The following MAP3K2 variants were observed in gnomAD, a reference collection of about 807,000 sequenced individuals.
MAP3K2 encodes MAP/ERK kinase kinase 2.
In MAP3K2, 24 loss-of-function variants were observed where a neutral mutation model predicts 80.3. The ratio of observed to expected loss-of-function variants is 0.30; its 90% CI spans 0.22 to 0.42. The LOEUF is 0.42. Among genes scored for constraint, MAP3K2 ranks in the 10% least tolerant of loss-of-function variants. The probability of loss-of-function intolerance (pLI) is 1.00; values close to 1 mark genes in which losing one functional copy is unlikely to be tolerated. For synonymous variants in MAP3K2, 244 were observed against 253.7 expected (o/e 0.96, Z 0.36); for missense variants, 608 against 750.1 (o/e 0.81, Z 2.21).
chr2:127,376,669 T>C (rs1186831266), intron 1 of MAP3K2, among the ~76,000 whole-genome samples: 1 of 152,154 alleles, frequency 6.6e-6, no homozygotes, highest in Non-Finnish European at 1.5e-5. Context: ...CCTCAATGAA[T>C]ACATGGTATG....
chr2:127,312,301 T>C (rs1558973063), intron 15 of MAP3K2, among the ~76,000 whole-genome samples: 1 of 152,216 alleles, frequency 6.6e-6, no homozygotes, highest in Non-Finnish European at 1.5e-5. Flanking sequence ...AACTAGTTCT[T>C]GAAATAATGA....
chr2:127,388,427 C>T, upstream of MAP3K2: 4 of 985,236 alleles, frequency 4.1e-6, no homozygotes, highest in Non-Finnish European at 4.8e-6. Flanking sequence ...TAATTTGTGG[C>T]TCAAGTTTCA....
intron 1 of MAP3K2, among the ~76,000 whole-genome samples, chr2:127,380,206 C>G (rs1687222079): frequency 6.6e-6 from 1 of 152,096 alleles, no homozygotes; most frequent in African/African-American, 2.4e-5. Flanking sequence ...TGCCTCTGTT[C>G]TTGATGAGCT....
intron 1 of MAP3K2, among the ~76,000 whole-genome samples, chr2:127,380,416 A>C (rs1023673567): frequency 6.6e-6 from 1 of 152,230 alleles, no homozygotes; most frequent in Non-Finnish European, 1.5e-5. Flanking sequence ...ACACTAAATG[A>C]CTAACCACAC....
At chr2:127,309,780 C>T (rs1334293285) in intron 15 of MAP3K2, among the ~76,000 whole-genome samples, 4 of 152,038 alleles carry the variant, frequency 2.6e-5, no homozygotes, top group African/African-American at 9.7e-5. Context: ...GGAGGAAGAC[C>T]GCAGCTAAAC....
chr2:127,355,673 G>A lies in MAP3K2; in HGVS notation c.-65-12479C>T, dbSNP rs142633788. ...GGTTGCTGAAGGTTGGGGTGACTAG[G>A]GCAATTTCTTAAAATAAGACAACAG... On this transcript the variant is annotated intron_variant, in intron 1 of 16. Coordinates refer to ENST00000682094, the MANE Select transcript of MAP3K2 (RefSeq NM_001371910.2). 9.6e-4 allele frequency among the ~76,000 whole-genome samples: 146 copies of A among 152,068 alleles called. 3 individuals are homozygous for A. Among genetic ancestry groups the A allele is most frequent in the African/African-American group, 3.3e-3 (138 of 41,420 alleles).
chr2:127,355,926 A>G (rs1196099372), intron 1 of MAP3K2, among the ~76,000 whole-genome samples: 1 of 152,170 alleles, frequency 6.6e-6, no homozygotes, highest in East Asian at 1.9e-4. Context: ...CATTTCAACA[A>G]TGTTCGCAGC....
chr2:127,349,967 C>G (rs1186240918), intron 1 of MAP3K2, among the ~76,000 whole-genome samples: 1 of 152,022 alleles, frequency 6.6e-6, no homozygotes, highest in South Asian at 2.1e-4. Flanking sequence ...CTCAATCTCC[C>G]GGGCTTAAGC....
chr2:127,329,961 T>C lies in MAP3K2; in HGVS notation c.426A>G (p.Thr142=), dbSNP rs973671905. 23 of 1,609,882 alleles carry C rather than the reference T, an allele frequency of 1.4e-5. No individual in the cohort carries two copies. Among genetic ancestry groups the C allele is most frequent in the Non-Finnish European group, 1.9e-5 (22 of 1,176,816 alleles). Residue 142 remains threonine, a synonymous_variant, in exon 7 of 17, where the codon ACA becomes ACG. Transcript: ENST00000682094. Reference sequence around the variant, plus strand: ...GTTTTTTCCTCTCTGCTCCAAATACTGTATTATCCAAATCTTCTAGTGATG... The same window carrying C: ...GTTTTTTCCTCTCTGCTCCAAATACCGTATTATCCAAATCTTCTAGTGATG... ...PLPSLEDLDN[T]VFGAERKKRL... is the part of the protein sequence containing the mutation.
chr2:127,301,094 T>G lies in MAP3K2; in HGVS notation c.*6485A>C, dbSNP rs1475038166. 6.6e-6 allele frequency: 1 copy of G among 152,220 alleles called. No homozygotes were observed. Among genetic ancestry groups the G allele is most frequent in the Non-Finnish European group, 1.5e-5 (1 of 68,022 alleles). 9.4% of individuals were successfully genotyped at this position (152,220 alleles called of 1,614,324 possible). A position where few individuals can be genotyped will look rare whatever the true frequency, so the allele number is the denominator to read the frequency against. ...AGGGATTCTCAACTGCATTAAGGGA[T>G]TCAGAAATTATTTGGGGACAAGTCC... On this transcript the variant is annotated 3_prime_UTR_variant, in exon 17 of 17. Transcript: ENST00000682094.
chr2:127,380,910 C>T (rs1209892698), intron 1 of MAP3K2, among the ~76,000 whole-genome samples: 1 of 152,174 alleles, frequency 6.6e-6, no homozygotes, highest in Admixed American at 6.5e-5. Context: ...TTATAACTGG[C>T]TTCATAAAAA....
intron 4 of MAP3K2, among the ~76,000 whole-genome samples, chr2:127,336,971 T>C (rs1686385007): frequency 6.6e-6 from 1 of 152,126 alleles, no homozygotes; most frequent in African/African-American, 2.4e-5. Flanking sequence ...TGAAACCCTA[T>C]CTCGACTAAA....
chr2:127,352,139 A>T (rs1215627131), intron 1 of MAP3K2, among the ~76,000 whole-genome samples: 1 of 151,922 alleles, frequency 6.6e-6, no homozygotes, highest in East Asian at 1.9e-4. Context: ...GGCCTCCTAA[A>T]GTGCTGCGAT....
Position 127,343,108 on chromosome 2 carries a change from CT to C in MAP3K2, c.4+17del. The C allele has an allele frequency of 6.5e-7, 1 of 1,548,996 alleles. No homozygotes were observed. ...ATCCTTTAATTATTGCTGAAAAATG[CT>C]TTTAGTTTGAACTCACCCATTATGG... On this transcript the variant is annotated intron_variant, in intron 2 of 16. Coordinates refer to ENST00000682094, the MANE Select transcript of MAP3K2 (RefSeq NM_001371910.2).
Position 127,364,663 on chromosome 2 carries a change from T to A in MAP3K2, c.-65-21469A>T, listed in dbSNP as rs1204788298. Among the ~76,000 whole-genome samples, 3 of 152,272 alleles carry A rather than the reference T, an allele frequency of 2.0e-5. No individual in the cohort carries two copies. Among genetic ancestry groups the A allele is most frequent in the Middle Eastern group, 3.4e-3 (1 of 294 alleles). On this transcript the variant is annotated intron_variant, in intron 1 of 16. Transcript: ENST00000682094. This position sits in a 1 kb window ranked among gnomAD's most constrained non-coding sequence, Gnocchi z 4.1. ...GAACAGCTTCCTAACTATTCCATAT[T>A]TTTACATGTGCTCTCTGCCACTAGA...
intron 1 of MAP3K2, among the ~76,000 whole-genome samples, chr2:127,344,698 C>T (rs1183180710): frequency 6.6e-6 from 1 of 152,006 alleles, no homozygotes; most frequent in East Asian, 1.9e-4. Context: ...TTACCTTTAG[C>T]TATATGAATA....
In MAP3K2 at chr2:127,321,977, C is replaced by T. The variant is rs184786178; in HGVS notation, c.1045+69G>A. On this transcript the variant is annotated intron_variant, in intron 12 of 16. Coordinates refer to ENST00000682094, the MANE Select transcript of MAP3K2 (RefSeq NM_001371910.2). This position sits in a 1 kb window ranked among gnomAD's most constrained non-coding sequence, Gnocchi z 4.4. ...CCCAAAAACTCACTTAGTATTTATT[C>T]CTTTTAATAATATAAAATTCTGCAA... The T allele has an allele frequency of 8.2e-6, 11 of 1,348,448 alleles. No individual in the cohort carries two copies. The African/African-American group carries it at 1.5e-4, about 18-fold the overall frequency. The allele number at this position is 1,348,448 out of a possible 1,614,324, so 83.5% of individuals were successfully genotyped here.
At chr2:127,378,824 C>A (rs182008365) in intron 1 of MAP3K2, among the ~76,000 whole-genome samples, 4 of 152,180 alleles carry the variant, frequency 2.6e-5, no homozygotes, top group Non-Finnish European at 5.9e-5. Context: ...CGGAAAGCAG[C>A]GGCATGATCA....
rs1687400415 is a variant in MAP3K2, at chr2:127,387,846, T to C, written c.-460A>G. ...CTGCGGACAGGGGCGCCGAGCGTCC[T>C]GGTCGTTGTTTTCGTCGCCGCCGCG... On this transcript the variant is annotated 5_prime_UTR_variant, in exon 1 of 17. Transcript: ENST00000682094. 2.8e-5 allele frequency: 28 copies of C among 984,798 alleles called. No individual in the cohort carries two copies. Among genetic ancestry groups the C allele is most frequent in the Non-Finnish European group, 3.4e-5 (28 of 829,718 alleles). 61.0% of individuals were successfully genotyped at this position (984,798 alleles called of 1,614,324 possible). A position where few individuals can be genotyped will look rare whatever the true frequency, so the allele number is the denominator to read the frequency against.
Sources: gnomAD v4.1 joint callset for allele counts (sites outside exome capture counted in the v4.1 genomes callset) on GRCh38, gnomAD v4.1.1 for gene constraint, Gnocchi (gnomAD v3.1) non-coding constraint, MANE v1.5 for transcripts, NCBI Gene and HGNC (gene_info 2026-07-23, HGNC 2026-07-21) for gene names.